ACOT11: variants seen among roughly 807,000 people sequenced by gnomAD.
ACOT11 encodes acyl-CoA thioesterase 11, also known as acyl-coenzyme A thioesterase 11.
Under a neutral mutation model 77.5 loss-of-function variants are expected in ACOT11, and 69 were observed. The observed-to-expected ratio is 0.89, with a 90% confidence interval of 0.73 to 1.09. ACOT11 has a LOEUF of 1.09. Ranked by LOEUF, ACOT11 falls within the 50% of genes least tolerant of loss-of-function variation. The pLI, the probability that ACOT11 is intolerant of heterozygous loss-of-function variation, is 0.00. For synonymous variants in ACOT11, 279 were observed against 313.0 expected, an observed-to-expected ratio of 0.89 and a Z score of 1.15; for missense variants, 766 against 813.7, an observed-to-expected ratio of 0.94 and a Z score of 0.71.
chr1:54,571,962 C>A (rs867628916), intron 1 of ACOT11, among the ~76,000 whole-genome samples: 8 of 151,984 alleles, frequency 5.3e-5, no homozygotes, highest in African/African-American at 1.2e-4. Context: ...GCCGCTGGGG[C>A]CTTGAAGGGG....
rs1392849382 is a variant in ACOT11 at position 54,636,086 on chromosome 1, A to G, written c.*1357A>G. 5 of 152,256 alleles carry G rather than the reference A, an allele frequency of 3.3e-5. 1 individual carries two copies. The highest frequency in any genetic ancestry group is 2.0e-4 in the Admixed American group (3 of 15,280). 9.4% of individuals were successfully genotyped at this position (152,256 alleles called of 1,614,324 possible). On this transcript the variant is annotated 3_prime_UTR_variant, in exon 17 of 17. Transcript: ENST00000371316. The stretch of plus-strand genomic sequence containing the variant: ...GATACTTTTAGTTAATTTAATATCT[A>G]TAGAAACAATGCTAATGACTGGTTT...
intron 15 of ACOT11, chr1:54,616,250 A>G (rs1644172396): frequency 7.8e-7 from 1 of 1,275,510 alleles, no homozygotes; most frequent in Non-Finnish European, 1.1e-6. Context: ...AAGCATTACA[A>G]ATTACAGAAC....
At chr1:54,622,841 G>A (rs1262317954) in intron 15 of ACOT11, among the ~76,000 whole-genome samples, 1 of 74 alleles carries the variant, frequency 0.014, no homozygotes, top group African/African-American at 0.021. Flanking sequence ...AGAAAGAGCT[G>A]TGGATGGGGG....
Position 54,574,378 on chromosome 1 carries a change from C to T in ACOT11, c.34-10277C>T, listed in dbSNP as rs555338072. Among the ~76,000 whole-genome samples the T allele has an allele frequency of 3.3e-4, 51 of 152,264 alleles. No homozygotes were observed. In the South Asian group the frequency reaches 5.6e-3, roughly 17 times the overall value. ...ATCTCCTAGGGAACTTCATGTTCAG[C>T]GGCTGTCTCCCTATCTAGACCTTGG... On this transcript the variant is annotated intron_variant, in intron 1 of 15. Coordinates refer to ENST00000343744, the MANE Select transcript of ACOT11 (RefSeq NM_147161.4).
intron 1 of ACOT11, among the ~76,000 whole-genome samples, chr1:54,577,364 G>A (rs1442014539): frequency 2.6e-5 from 4 of 152,032 alleles, no homozygotes; most frequent in Non-Finnish European, 4.4e-5. Flanking sequence ...AGATTTATCC[G>A]CTAATATGGA....
At chr1:54,565,221 G>A (rs1653692520) in intron 1 of ACOT11, among the ~76,000 whole-genome samples, 1 of 152,196 alleles carries the variant, frequency 6.6e-6, no homozygotes, top group African/African-American at 2.4e-5. Context: ...AGGCCTTCTG[G>A]ATGGGGAGTC....
At chr1:54,612,776 T>G (rs529826390), downstream of ACOT11, 1 of 1,224,514 alleles carries the variant, frequency 8.2e-7, no homozygotes, top group Non-Finnish European at 1.2e-6. Context: ...CTCTGGGGTC[T>G]CATCACAGTG....
chr1:54,572,876 T>C (rs1353254496), intron 1 of ACOT11: 1 of 966,300 alleles, frequency 1.0e-6, no homozygotes, highest in African/African-American at 1.8e-5. Context: ...TTTCTGCACC[T>C]GAGAGAGGCC....
chr1:54,587,550 CTTTTTTTTTTTTTTTTTT>C (rs33913350), intron 3 of ACOT11, among the ~76,000 whole-genome samples: 1 of 73,564 alleles, frequency 1.4e-5, no homozygotes, highest in Admixed American at 1.9e-4. Flanking sequence ...GTTTGTAATC[CTTTTTTTTTTTTTTTTTT>C]TTTTTTTTGA....
At chr1:54,551,732 G>GTTTTGTTTTGTTTTTGT (rs1653075971) in intron 1 of ACOT11, among the ~76,000 whole-genome samples, 2 of 149,926 alleles carry the variant, frequency 1.3e-5, no homozygotes, top group African/African-American at 5.0e-5. Flanking sequence ...TTTTTGTTTT[G>GTTTTGTTTTGTTTTTGT]TTTTGTTTTT....
At chr1:54,548,539 A>G (rs1274757404) in intron 1 of ACOT11, 197 bp downstream of exon 1, 4 of 691,366 alleles carry the variant, frequency 5.8e-6, no homozygotes, top group Non-Finnish European at 9.7e-6. Flanking sequence ...AACAAGCCCC[A>G]GGGGCTGTCA....
At chr1:54,618,050 C>T (rs1644193390) in intron 15 of ACOT11, among the ~76,000 whole-genome samples, 1 of 151,686 alleles carries the variant, frequency 6.6e-6, no homozygotes, top group African/African-American at 2.4e-5. Flanking sequence ...TTTTAACACA[C>T]TCCCCAGGGA....
intron 1 of ACOT11, among the ~76,000 whole-genome samples, chr1:54,560,726 A>ATTTTTTTTTTT (rs11455599): frequency 7.0e-6 from 1 of 142,482 alleles, no homozygotes; most frequent in Admixed American, 7.0e-5. Flanking sequence ...ATGCTTGGCT[A>ATTTTTTTTTTT]TTTTTTTTTT....
intron 1 of ACOT11, among the ~76,000 whole-genome samples, chr1:54,564,323 C>G (rs1653660356): frequency 6.6e-6 from 1 of 152,224 alleles, no homozygotes; most frequent in Non-Finnish European, 1.5e-5. Flanking sequence ...TATTCAGAAG[C>G]CTGGTAGGTC....
In ACOT11 at chr1:54,599,415, G is replaced by A. The variant is rs1643937215; in HGVS notation, c.884G>A (p.Ser295Asn). ...ATCGTGAACAATGCCTTCAAACATA[G>A]GTGAGGGTCTGGGATGGGTGCGGCC... ...KAIVNNAFKH[S>N]MEVGVCVEAY... Residue 295 changes from serine to asparagine, a missense_variant and splice_region_variant, in exon 8 of 16, where the codon AGC becomes AAC. Coordinates refer to ENST00000343744, the MANE Select transcript of ACOT11 (RefSeq NM_147161.4). 1.9e-6 allele frequency: 3 copies of A among 1,601,418 alleles called. No homozygotes were observed. The highest frequency in any genetic ancestry group is 2.6e-6 in the Non-Finnish European group (3 of 1,173,000).
chr1:54,584,595 C>T lies in ACOT11; in HGVS notation c.34-60C>T. ...CCTAAGTTCTCAGGGCTGGACAGAC[C>T]TGGGAGACCCTGCAGCAAGCAGACC... is the stretch of plus-strand genomic sequence containing the variant. On this transcript the variant is annotated intron_variant, in intron 1 of 15. Transcript: ENST00000343744. The surrounding 1 kb of genome is among the most constrained non-coding windows in gnomAD (Gnocchi z 6.3). 11 of 1,522,398 alleles carry T rather than the reference C, an allele frequency of 7.2e-6. 1 individual carries two copies. The South Asian group carries it at 1.2e-4, about 17-fold the overall frequency. 94.3% of individuals were successfully genotyped at this position (1,522,398 alleles called of 1,614,324 possible).
At chr1:54,599,526 G>A (rs1397966215) in intron 8 of ACOT11, 111 bp downstream of exon 8, 11 of 1,205,142 alleles carry the variant, frequency 9.1e-6, no homozygotes, top group African/African-American at 1.6e-5. Context: ...CTGCAGACAG[G>A]GTCTAAATCC....
intron 15 of ACOT11, among the ~76,000 whole-genome samples, chr1:54,618,726 G>A (rs1309538745): frequency 1.3e-5 from 2 of 152,068 alleles, no homozygotes; most frequent in Non-Finnish European, 2.9e-5. Flanking sequence ...CCTTGTGCCA[G>A]CTTTACCCAT....
rs112488645 is a variant in ACOT11, at chr1:54,568,045, C to T, written c.34-16610C>T. Among the ~76,000 whole-genome samples the T allele has an allele frequency of 6.6e-5, 10 of 152,304 alleles. 1 individual carries two copies. Among genetic ancestry groups the T allele is most frequent in the African/African-American group, 2.4e-4 (10 of 41,570 alleles). ...TGCTCTCTGCATTTCTTAGGTCCTT[C>T]TGTCCCAACACGTCCCTGTTCTTCC... On this transcript the variant is annotated intron_variant, in intron 1 of 15. Coordinates refer to ENST00000343744, the MANE Select transcript of ACOT11 (RefSeq NM_147161.4).
Sources: allele counts gnomAD v4.1 joint callset (sites outside exome capture counted in the v4.1 genomes callset), GRCh38; gene constraint gnomAD v4.1.1; non-coding constraint Gnocchi (gnomAD v3.1); transcripts MANE v1.5; gene names NCBI Gene and HGNC (gene_info 2026-07-23, HGNC 2026-07-21).